BNIP1: variants seen among roughly 807,000 people sequenced by gnomAD.
BNIP1 encodes the protein vesicle transport protein SEC20.
BNIP1 carries 25 observed loss-of-function variants against 28.5 expected under a neutral mutation model. The observed-to-expected ratio is 0.88, with a 90% CI of 0.64 to 1.23. BNIP1 has a LOEUF of 1.23. Ranked by LOEUF, BNIP1 falls within the 50% of genes most tolerant of loss-of-function variation. The pLI is 0.00. For missense variants in BNIP1, 276 were observed against 277.0 expected (o/e 1.00, Z 0.02); for synonymous variants, 118 against 101.7 (o/e 1.16, Z -0.96).
chr5:173,155,597 C>T (rs1301224142), intron 3 of BNIP1, among the ~76,000 whole-genome samples: 1 of 151,962 alleles, frequency 6.6e-6, no homozygotes, highest in East Asian at 1.9e-4. Flanking sequence ...ACTCGGGAGG[C>T]TGAGGCAGGA....
chr5:173,151,219 C>CT (rs1427717116), intron 2 of BNIP1, among the ~76,000 whole-genome samples: 3 of 151,144 alleles, frequency 2.0e-5, no homozygotes, highest in African/African-American at 4.9e-5. Context: ...CCTCATTTTT[C>CT]TTTTTTTTTC....
At chr5:173,145,138 G>A (rs922063683) in intron 1 of BNIP1, 2 of 155,242 alleles carry the variant, frequency 1.3e-5, no homozygotes, top group Non-Finnish European at 2.9e-5. Context: ...TATGCTTGAG[G>A]AAATCGAGTA....
chr5:173,152,937 C>A (rs1401752351), intron 2 of BNIP1, among the ~76,000 whole-genome samples: 2 of 152,006 alleles, frequency 1.3e-5, no homozygotes, highest in African/African-American at 4.8e-5. Context: ...GAAGCTAGAA[C>A]CTGTTTTAAT....
chr5:173,159,669 G>T (rs944986313), intron 4 of BNIP1, among the ~76,000 whole-genome samples: 8 of 152,168 alleles, frequency 5.3e-5, no homozygotes, highest in Non-Finnish European at 1.2e-4. Flanking sequence ...TTCCAGGGAT[G>T]AGATGATTGA....
At chr5:173,159,087 G>C (rs1459683053) in intron 4 of BNIP1, among the ~76,000 whole-genome samples, 1 of 151,722 alleles carries the variant, frequency 6.6e-6, no homozygotes, top group East Asian at 1.9e-4. Flanking sequence ...GCCCAGGCTG[G>C]AGTGCAGTGG....
intron 4 of BNIP1, among the ~76,000 whole-genome samples, chr5:173,159,118 A>G (rs145854383): frequency 0.034 from 5,210 of 152,068 alleles, 125 homozygotes; most frequent in East Asian, 0.089. Flanking sequence ...GCTCACCGCA[A>G]CCTCCGCCTC....
rs925113527 is a variant in BNIP1 at position 173,164,187 on chromosome 5, G to A, written c.*266G>A. ...CCACCATTGTGCACTATGGGAGGCC[G>A]CTGCTGCGTGGAGCACTTAAAGTCC... is the stretch of plus-strand genomic sequence containing the variant. On this transcript the variant is annotated 3_prime_UTR_variant, in exon 6 of 6. Coordinates refer to ENST00000351486, the MANE Select transcript of BNIP1 (RefSeq NM_001205.3). This position sits in a 1 kb window ranked among gnomAD's most constrained non-coding sequence, Gnocchi z 4.0. 1.9e-5 allele frequency: 6 copies of A among 309,824 alleles called. No homozygotes were observed. The highest frequency in any genetic ancestry group is 3.5e-5 in the Non-Finnish European group (6 of 170,286). 19.2% of individuals were successfully genotyped at this position (309,824 alleles called of 1,614,324 possible).
Position 173,163,741 on chromosome 5 carries a change from G to C in BNIP1, c.507G>C (p.Thr169=). The C allele has an allele frequency of 6.2e-7, 1 of 1,602,086 alleles. No homozygotes were observed. Among genetic ancestry groups the C allele is most frequent in the Non-Finnish European group, 8.5e-7 (1 of 1,173,310 alleles). The change falls in exon 6 of 6, where the codon ACG becomes ACC. Residue 169 remains threonine (T), a synonymous_variant. Coordinates refer to ENST00000351486, the MANE Select transcript of BNIP1 (RefSeq NM_001205.3). ...TTGTTTCAGTCACTTCTTCACGAAC[G>C]ATCCTGGATGCAAATGAAGAATTTA... ...AMQSLVTSSR[T]ILDANEEFKS...
rs1248027169 is a variant in BNIP1, at chr5:173,147,115, A to G, written c.177+157A>G. On this transcript the variant is annotated intron_variant, in intron 2 of 5. Coordinates refer to ENST00000351486, the MANE Select transcript of BNIP1 (RefSeq NM_001205.3). Reference sequence around the variant, plus strand: ...CTAACCTGCTCTCCAGGTAAAAACGAGAAACTTTTGGCCGGGCACGGTGGC... The same window carrying G: ...CTAACCTGCTCTCCAGGTAAAAACGGGAAACTTTTGGCCGGGCACGGTGGC... Among the ~76,000 whole-genome samples the G allele has an allele frequency of 2.6e-5, 4 of 152,176 alleles. No individual in the cohort carries two copies. The East Asian group carries it at 7.7e-4, about 29-fold the overall frequency.
chr5:173,163,844 C>T lies in BNIP1; in HGVS notation c.610C>T (p.Leu204Phe), dbSNP rs747178754. 5 of 1,613,970 alleles carry T rather than the reference C, an allele frequency of 3.1e-6. No homozygotes were observed. The highest frequency in any genetic ancestry group is 8.5e-7 in the Non-Finnish European group (1 of 1,180,004). ...YNRRELTDKL[L>F]IFLALALFLA... ...TCGCCGGGAGCTGACGGACAAGCTTCTCATCTTCCTTGCGCTAGCCCTGTT... is the reference window on the plus strand; with the variant it reads ...TCGCCGGGAGCTGACGGACAAGCTTTTCATCTTCCTTGCGCTAGCCCTGTT... The change falls in exon 6 of 6, where the codon CTC becomes TTC. Residue 204 changes from leucine to phenylalanine, a missense_variant. Transcript: ENST00000351486.
At chr5:173,161,035 G>A in intron 5 of BNIP1, 1 of 351,268 alleles carries the variant, frequency 2.8e-6, no homozygotes, top group Non-Finnish European at 5.6e-6. Flanking sequence ...AGAAAGCATG[G>A]TATCCTGAAT....
intron 3 of BNIP1, among the ~76,000 whole-genome samples, chr5:173,158,494 CG>C (rs1760269469): frequency 6.6e-6 from 1 of 152,166 alleles, no homozygotes; most frequent in Admixed American, 6.5e-5. Context: ...CTTGGGCTGA[CG>C]GGGGCAGAGT....
Position 173,164,019 on chromosome 5 carries a change from C to T in BNIP1, c.*98C>T, listed in dbSNP as rs5745176. 1.4e-3 allele frequency: 1,711 copies of T among 1,248,986 alleles called. 31 individuals carry two copies. In the African/African-American group the frequency reaches 0.022, roughly 16 times the overall value. The allele number at this position is 1,248,986 out of a possible 1,614,324, so 77.4% of individuals were successfully genotyped here. A position where few individuals can be genotyped will look rare whatever the true frequency, so the allele number is the denominator to read the frequency against. ...TGCTAAGCTGAGCCACACACCCCTC[C>T]GTTTGCACCAGTTGCCTGCAGGTTG... is the stretch of plus-strand genomic sequence containing the variant. On this transcript the variant is annotated 3_prime_UTR_variant, in exon 6 of 6. Coordinates refer to ENST00000351486, the MANE Select transcript of BNIP1 (RefSeq NM_001205.3). The surrounding 1 kb of genome is among the most constrained non-coding windows in gnomAD (Gnocchi z 4.0).
At position 173,164,023 on chromosome 5, in the gene BNIP1, T is replaced by C; in HGVS notation, c.*102T>C. ...AAGCTGAGCCACACACCCCTCCGTT[T>C]GCACCAGTTGCCTGCAGGTTGGATG... On this transcript the variant is annotated 3_prime_UTR_variant, in exon 6 of 6. Transcript: ENST00000351486. This position sits in a 1 kb window ranked among gnomAD's most constrained non-coding sequence, Gnocchi z 4.0. The C allele has an allele frequency of 1.6e-6, 2 of 1,215,990 alleles. No homozygotes were observed. Among genetic ancestry groups the C allele is most frequent in the South Asian group, 3.8e-5 (2 of 52,798 alleles). The allele number at this position is 1,215,990 out of a possible 1,614,324, so 75.3% of individuals were successfully genotyped here.
chr5:173,154,868 A>G (rs938377664), intron 3 of BNIP1, among the ~76,000 whole-genome samples: 2 of 152,176 alleles, frequency 1.3e-5, no homozygotes, highest in Admixed American at 6.5e-5. Flanking sequence ...TCAGTCAGCA[A>G]TAGTCAAGTG....
chr5:173,151,251 G>C (rs572146093), intron 2 of BNIP1, among the ~76,000 whole-genome samples: 18 of 151,428 alleles, frequency 1.2e-4, no homozygotes, highest in African/African-American at 4.4e-4. Flanking sequence ...CAGGGTCTTG[G>C]GCTGTCACCC....
intron 1 of BNIP1, among the ~76,000 whole-genome samples, chr5:173,145,625 G>C (rs1759811765): frequency 6.6e-6 from 1 of 152,136 alleles, no homozygotes; most frequent in Non-Finnish European, 1.5e-5. Flanking sequence ...GGATGGTCTC[G>C]ATCTCCTGAC....
At chr5:173,149,048 A>G (rs964288439) in intron 2 of BNIP1, among the ~76,000 whole-genome samples, 2 of 152,172 alleles carry the variant, frequency 1.3e-5, no homozygotes, top group Non-Finnish European at 2.9e-5. Flanking sequence ...TAGGAGAGTC[A>G]GGAGGTACCT....
intron 5 of BNIP1, among the ~76,000 whole-genome samples, chr5:173,160,287 T>G (rs1373550492): frequency 1.3e-5 from 2 of 150,644 alleles, no homozygotes; most frequent in Non-Finnish European, 3.0e-5. Flanking sequence ...CAGGTTGGAG[T>G]GCAATGGTGC....
Sources: allele counts gnomAD v4.1 joint callset (sites outside exome capture counted in the v4.1 genomes callset), GRCh38; gene constraint gnomAD v4.1.1; non-coding constraint Gnocchi (gnomAD v3.1); transcripts MANE v1.5; gene names NCBI Gene and HGNC (gene_info 2026-07-23, HGNC 2026-07-21).